SSBP2: variants seen among roughly 807,000 people sequenced by gnomAD.
SSBP2 encodes the protein single stranded DNA binding protein 2, also known as single-stranded DNA-binding protein 2.
SSBP2 carries 17 observed loss-of-function variants against 61.8 expected under a neutral mutation model. The ratio of observed to expected loss-of-function variants is 0.28; its 90% confidence interval spans 0.19 to 0.41. SSBP2 has a LOEUF of 0.41. SSBP2 is among the 10% of genes least tolerant of loss of function. SSBP2 has a pLI of 1.00. For missense variants in SSBP2, 310 were observed against 458.7 expected (o/e 0.68, Z 2.96); for synonymous variants, 139 against 141.3 (o/e 0.98, Z 0.12).
intron 16 of SSBP2, among the ~76,000 whole-genome samples, chr5:81,421,527 G>GT (rs1320202831): frequency 1.5e-4 from 23 of 152,092 alleles, no homozygotes; most frequent in Admixed American, 1.5e-3. Context: ...ATTTTTGCAC[G>GT]TGAGTAGGAA....
chr5:81,691,525 G>C (rs1209207142), intron 1 of SSBP2, among the ~76,000 whole-genome samples: 1 of 150,850 alleles, frequency 6.6e-6, no homozygotes, highest in Non-Finnish European at 1.5e-5. Context: ...TCCAAAACCT[G>C]AACAGACCAA....
intron 4 of SSBP2, among the ~76,000 whole-genome samples, chr5:81,599,791 G>T (rs1744158965): frequency 6.6e-6 from 1 of 152,166 alleles, no homozygotes; most frequent in South Asian, 2.1e-4. Flanking sequence ...AGGGGAATGA[G>T]GCCTCAATTT....
chr5:81,422,928 T>C (rs1761702508), intron 16 of SSBP2, among the ~76,000 whole-genome samples: 1 of 152,246 alleles, frequency 6.6e-6, no homozygotes, highest in Non-Finnish European at 1.5e-5. Flanking sequence ...TCCATGCACA[T>C]AATGTGATTC....
At chr5:81,738,335 G>A (rs1304555517) in intron 1 of SSBP2, among the ~76,000 whole-genome samples, 3 of 152,124 alleles carry the variant, frequency 2.0e-5, no homozygotes, top group African/African-American at 7.2e-5. Flanking sequence ...TTTTTAAAGA[G>A]AGAAATAATA....
chr5:81,604,167 C>G (rs1744648489), intron 4 of SSBP2, among the ~76,000 whole-genome samples: 1 of 151,712 alleles, frequency 6.6e-6, no homozygotes, highest in Non-Finnish European at 1.5e-5. Flanking sequence ...TTGTAAAGTT[C>G]TTTAGCAATC....
At chr5:81,507,435 C>A (rs1768262372) in intron 5 of SSBP2, among the ~76,000 whole-genome samples, 1 of 151,760 alleles carries the variant, frequency 6.6e-6, no homozygotes, top group South Asian at 2.1e-4. Flanking sequence ...GATCTAGTGA[C>A]TAAAATATAG....
At chr5:81,722,136 T>G (rs568325850) in intron 1 of SSBP2, among the ~76,000 whole-genome samples, 2 of 152,148 alleles carry the variant, frequency 1.3e-5, no homozygotes, top group African/African-American at 4.8e-5. Context: ...TTTTACAAAA[T>G]GCTAACGAAA....
intron 4 of SSBP2, among the ~76,000 whole-genome samples, chr5:81,588,604 T>G (rs1043121467): frequency 2.5e-4 from 38 of 152,118 alleles, no homozygotes; most frequent in Non-Finnish European, 1.6e-4. Flanking sequence ...TTTATCTCTA[T>G]GTATATTTGA....
intron 1 of SSBP2, among the ~76,000 whole-genome samples, chr5:81,680,379 CAT>C (rs1040473550): frequency 2.0e-5 from 3 of 148,270 alleles, no homozygotes; most frequent in Middle Eastern, 3.6e-3. Flanking sequence ...TTATATATAA[CAT>C]AATCTATAGG....
chr5:81,473,977 CT>C (rs1765425083), intron 7 of SSBP2, among the ~76,000 whole-genome samples: 1 of 152,158 alleles, frequency 6.6e-6, no homozygotes, highest in Non-Finnish European at 1.5e-5. Context: ...AATTTTCTCC[CT>C]ATTCTGTGGT....
chr5:81,471,103 T>C (rs1261528288), intron 8 of SSBP2, among the ~76,000 whole-genome samples: 1 of 151,864 alleles, frequency 6.6e-6, no homozygotes, highest in Non-Finnish European at 1.5e-5. Context: ...ATTTCTGAGG[T>C]AAATTCATAC....
chr5:81,571,228 A>C (rs1010762436), intron 4 of SSBP2, among the ~76,000 whole-genome samples: 3 of 152,170 alleles, frequency 2.0e-5, no homozygotes, highest in African/African-American at 7.2e-5. Flanking sequence ...AAACTCTGAC[A>C]CAATAGCTTG....
chr5:81,609,843 C>T (rs993551160), intron 4 of SSBP2, among the ~76,000 whole-genome samples: 2 of 152,112 alleles, frequency 1.3e-5, no homozygotes, highest in African/African-American at 2.4e-5. Flanking sequence ...TTTTTGCATA[C>T]TCACAAACCA....
chr5:81,684,888 A>G (rs1004476311), intron 1 of SSBP2, among the ~76,000 whole-genome samples: 2 of 152,140 alleles, frequency 1.3e-5, no homozygotes, highest in Non-Finnish European at 2.9e-5. Flanking sequence ...TGAGAAGGAC[A>G]TAAGATTTGG....
At position 81,413,205 on chromosome 5, in the gene SSBP2, T is replaced by C. The variant is rs1048965378; in HGVS notation, c.*7299A>G. The stretch of plus-strand genomic sequence containing the variant: ...TTATGTACATCTTTATGGCAACTTA[T>C]CCCATTACATGAATAGCTCAAGTAC... On this transcript the variant is annotated 3_prime_UTR_variant, in exon 17 of 17. Transcript: ENST00000320672. 1 of 152,250 alleles carries C rather than the reference T, an allele frequency of 6.6e-6. No individual in the cohort carries two copies. The highest frequency in any genetic ancestry group is 2.4e-5 in the African/African-American group (1 of 41,480). 9.4% of individuals were successfully genotyped at this position (152,250 alleles called of 1,614,324 possible).
intron 5 of SSBP2, among the ~76,000 whole-genome samples, chr5:81,492,363 GC>G (rs1766919123): frequency 6.6e-6 from 1 of 152,124 alleles, no homozygotes; most frequent in South Asian, 2.1e-4. Context: ...AATTAGCTGG[GC>G]TTGGTGGCAC....
chr5:81,470,823 ATC>A (rs1275938237), intron 8 of SSBP2, among the ~76,000 whole-genome samples: 4 of 151,880 alleles, frequency 2.6e-5, no homozygotes, highest in Non-Finnish European at 5.9e-5. Context: ...TTTTTCCATT[ATC>A]TCTCAAGAAA....
At chr5:81,637,728 T>C (rs1454715139) in intron 2 of SSBP2, among the ~76,000 whole-genome samples, 2 of 152,128 alleles carry the variant, frequency 1.3e-5, no homozygotes, top group Non-Finnish European at 2.9e-5. Flanking sequence ...AAAGAGTAAT[T>C]GAGACCCAGC....
At chr5:81,532,259 T>C (rs1329020269) in intron 4 of SSBP2, among the ~76,000 whole-genome samples, 2 of 152,066 alleles carry the variant, frequency 1.3e-5, no homozygotes, top group East Asian at 3.9e-4. Flanking sequence ...TACTATTTTA[T>C]AAAGCAGTAT....
Sources: gnomAD v4.1 joint callset for allele counts (sites outside exome capture counted in the v4.1 genomes callset) on GRCh38, gnomAD v4.1.1 for gene constraint, MANE v1.5 for transcripts, NCBI Gene and HGNC (gene_info 2026-07-23, HGNC 2026-07-21) for gene names.